Variants in CNKSR2 observed in about 807,000 individuals in gnomAD.
CNKSR2 encodes the protein connector enhancer of kinase suppressor of Ras 2, also known as CNK homolog protein 2.
CNKSR2 carries 14 observed loss-of-function variants against 84.4 expected under a neutral mutation model. That is an observed-to-expected ratio of 0.17 (90% CI 0.11 to 0.26). The LOEUF (loss-of-function observed/expected upper bound fraction) is 0.26. Ranked by LOEUF, CNKSR2 falls within the 10% of genes least tolerant of loss-of-function variation. The pLI, the probability that CNKSR2 is intolerant of heterozygous loss-of-function variation, is 1.00. For missense variants in CNKSR2, 485 were observed against 771.2 expected, an observed-to-expected ratio of 0.63 and a Z score of 4.40; for synonymous variants, 275 against 277.9, an observed-to-expected ratio of 0.99 and a Z score of 0.10.
At chrX:21,438,269 GGTAA>G (rs1363654787) in intron 3 of CNKSR2, among the ~76,000 whole-genome samples, 1 of 111,880 alleles carries the variant, frequency 8.9e-6, no homozygotes, top group East Asian at 2.8e-4. Flanking sequence ...GTAACAGAAT[GGTAA>G]GTATTTGTTC....
At chrX:21,435,806 GC>G (rs2090695985) in intron 3 of CNKSR2, among the ~76,000 whole-genome samples, 1 of 111,381 alleles carries the variant, frequency 9.0e-6, no homozygotes, top group Non-Finnish European at 1.9e-5. Flanking sequence ...AGTTTATTTT[GC>G]CTTTCATAGT....
intron 13 of CNKSR2, among the ~76,000 whole-genome samples, chrX:21,577,332 T>C (rs1038056446): frequency 9.0e-6 from 1 of 111,105 alleles, no homozygotes; most frequent in Non-Finnish European, 1.9e-5. Context: ...TTGGCTCAAT[T>C]AGTGATGCAC....
chrX:21,477,151 C>G (rs766814747), intron 5 of CNKSR2, among the ~76,000 whole-genome samples: 1 of 111,623 alleles, frequency 9.0e-6, no homozygotes, highest in East Asian at 2.8e-4. Context: ...TCATGGAAAT[C>G]CCAGGCCAGG....
intron 11 of CNKSR2, among the ~76,000 whole-genome samples, chrX:21,553,138 G>C (rs941116781): frequency 1.8e-5 from 2 of 111,236 alleles, no homozygotes; most frequent in African/African-American, 6.5e-5. Context: ...GTTGCAAACT[G>C]GCTGTGAGGA....
intron 8 of CNKSR2, among the ~76,000 whole-genome samples, chrX:21,511,243 T>C (rs1291449857): frequency 9.0e-6 from 1 of 111,478 alleles, no homozygotes; most frequent in Non-Finnish European, 1.9e-5. Context: ...AAGGAGAAAG[T>C]TTATTTGAAA....
chrX:21,558,977 T>C (rs2092163760), intron 11 of CNKSR2, among the ~76,000 whole-genome samples: 1 of 110,955 alleles, frequency 9.0e-6, no homozygotes, highest in East Asian at 2.8e-4. Context: ...TAAAACCAGA[T>C]CCTAAAGAAA....
chrX:21,636,389 G>A, intron 20 of CNKSR2, among the ~76,000 whole-genome samples: 1 of 110,803 alleles, frequency 9.0e-6, no homozygotes, highest in Non-Finnish European at 1.9e-5. Flanking sequence ...CTTCACCTAT[G>A]TTATCTCTGT....
At chrX:21,532,191 GTCTC>G (rs1319659855) in intron 11 of CNKSR2, 124 bp downstream of exon 11, 2 of 417,314 alleles carry the variant, frequency 4.8e-6, no homozygotes, top group Non-Finnish European at 8.2e-6. Context: ...TAATTGATCT[GTCTC>G]TCTCATGTGC....
intron 4 of CNKSR2, among the ~76,000 whole-genome samples, chrX:21,466,505 A>G (rs1390038860): frequency 8.9e-6 from 1 of 112,121 alleles, no homozygotes; most frequent in East Asian, 2.8e-4. Context: ...TTAACAAAAT[A>G]TAACATAGTC....
At chrX:21,568,890 A>C (rs1464075122) in intron 13 of CNKSR2, among the ~76,000 whole-genome samples, 3 of 111,304 alleles carry the variant, frequency 2.7e-5, no homozygotes, top group South Asian at 3.8e-4. Context: ...AAATAGCATA[A>C]TTTAACAGAA....
chrX:21,548,982 G>T (rs879201077), intron 11 of CNKSR2, among the ~76,000 whole-genome samples: 1 of 112,227 alleles, frequency 8.9e-6, no homozygotes, highest in Non-Finnish European at 1.9e-5. Flanking sequence ...ATGGGCAAAA[G>T]CTGGAAGCAT....
intron 21 of CNKSR2, 110 bp downstream of exon 21, chrX:21,649,137 G>C: frequency 3.8e-6 from 2 of 523,240 alleles, no homozygotes; most frequent in Non-Finnish European, 6.3e-6. Context: ...GAGAAGAAGA[G>C]GCAAGCAGTA....
intron 4 of CNKSR2, among the ~76,000 whole-genome samples, chrX:21,446,972 G>A (rs755512987): frequency 2.7e-5 from 3 of 111,078 alleles, no homozygotes; most frequent in African/African-American, 9.8e-5. Flanking sequence ...AGTTACTTTT[G>A]AGCTCCTCTC....
intron 17 of CNKSR2, among the ~76,000 whole-genome samples, chrX:21,599,844 G>A (rs2092471603): frequency 9.0e-6 from 1 of 111,238 alleles, no homozygotes; most frequent in African/African-American, 3.3e-5. Context: ...AATCAACTTA[G>A]ACTAAATTTT....
In CNKSR2 at chrX:21,581,759, G is replaced by A. The variant is rs1464024952; in HGVS notation, c.1609-8813G>A. 2.7e-5 allele frequency among the ~76,000 whole-genome samples: 3 copies of A among 111,966 alleles called. No homozygotes were observed. The East Asian group carries it at 8.4e-4, about 31-fold the overall frequency. ...TGCCTTCAACAGATAATTGTATGTC[G>A]CATCCTGTGCTAGGAGCTGAGTATA... is the stretch of plus-strand genomic sequence containing the variant. On this transcript the variant is annotated intron_variant, in intron 13 of 21. Transcript: ENST00000379510.
chrX:21,496,369 C>G (rs1159518907), intron 6 of CNKSR2, among the ~76,000 whole-genome samples: 5 of 111,333 alleles, frequency 4.5e-5, no homozygotes, highest in Non-Finnish European at 9.4e-5. Flanking sequence ...TGTTGTATAC[C>G]TGTCACCAGT....
intron 4 of CNKSR2, among the ~76,000 whole-genome samples, chrX:21,444,618 G>T (rs1390110811): frequency 9.1e-6 from 1 of 110,491 alleles, no homozygotes; most frequent in African/African-American, 3.3e-5. Flanking sequence ...ATGGCCACTC[G>T]AGTTATTTTG....
intron 20 of CNKSR2, among the ~76,000 whole-genome samples, chrX:21,630,220 T>C (rs1362779610): frequency 5.3e-5 from 6 of 112,152 alleles, no homozygotes; most frequent in Non-Finnish European, 9.4e-5. Flanking sequence ...TGCCCATAAA[T>C]CTGAATCTTT....
chrX:21,464,460 T>G (rs1391549523), intron 4 of CNKSR2, among the ~76,000 whole-genome samples: 1 of 112,015 alleles, frequency 8.9e-6, no homozygotes, highest in African/African-American at 3.2e-5. Flanking sequence ...TATGGAGATG[T>G]TTTTTTCTGT....
Sources: allele counts gnomAD v4.1 joint callset (sites outside exome capture counted in the v4.1 genomes callset), GRCh38; gene constraint gnomAD v4.1.1; transcripts MANE v1.5; gene names NCBI Gene and HGNC (gene_info 2026-07-23, HGNC 2026-07-21).